Variants in NETO1 observed in about 807,000 individuals in gnomAD.
NETO1 encodes the protein neuropilin and tolloid like 1, also known as neuropilin and tolloid-like protein 1.
Under a neutral mutation model 61.3 loss-of-function variants are expected in NETO1, and 26 were observed. That is an observed-to-expected ratio of 0.42 (90% CI 0.31 to 0.59). NETO1 has a LOEUF of 0.59. NETO1 is among the 20% of genes least tolerant of loss of function. The probability of loss-of-function intolerance (pLI) is 0.12; values close to 1 mark genes in which losing one functional copy is unlikely to be tolerated. For missense variants in NETO1, 531 were observed against 662.8 expected (o/e 0.80, Z 2.18); for synonymous variants, 225 against 225.8 (o/e 1.00, Z 0.03).
chr18:72,776,861 T>C (rs1470656204), intron 7 of NETO1, among the ~76,000 whole-genome samples: 1 of 152,182 alleles, frequency 6.6e-6, no homozygotes, highest in Non-Finnish European at 1.5e-5. Flanking sequence ...ATTCATTTTA[T>C]CCCAATAGCC....
chr18:72,811,046 T>C (rs1410931432), intron 4 of NETO1, among the ~76,000 whole-genome samples: 1 of 152,212 alleles, frequency 6.6e-6, no homozygotes, highest in Admixed American at 6.5e-5. Context: ...CTTGCAATTA[T>C]TCTTTGTAAA....
chr18:72,818,935 G>A (rs2073106364), intron 4 of NETO1, among the ~76,000 whole-genome samples: 1 of 152,184 alleles, frequency 6.6e-6, no homozygotes, highest in Admixed American at 6.5e-5. Context: ...AGGCGTATAT[G>A]TGTATTCTAC....
intron 7 of NETO1, among the ~76,000 whole-genome samples, chr18:72,771,784 C>T (rs2071359808): frequency 6.6e-6 from 1 of 152,112 alleles, no homozygotes; most frequent in Middle Eastern, 3.4e-3. Flanking sequence ...TTGGATCATC[C>T]ATTACATTGA....
At chr18:72,786,892 C>T (rs967768899) in intron 6 of NETO1, among the ~76,000 whole-genome samples, 16 of 149,732 alleles carry the variant, frequency 1.1e-4, no homozygotes, top group African/African-American at 2.9e-4. Flanking sequence ...CCAGCCTGGG[C>T]GACAGAGCGA....
At chr18:72,836,230 C>A (rs1019013108) in intron 4 of NETO1, among the ~76,000 whole-genome samples, 2 of 152,132 alleles carry the variant, frequency 1.3e-5, no homozygotes, top group Non-Finnish European at 2.9e-5. Context: ...GGTGCTCCCC[C>A]TTTCTCTGCC....
intron 4 of NETO1, among the ~76,000 whole-genome samples, chr18:72,840,482 A>G (rs1473195833): frequency 6.6e-6 from 1 of 152,202 alleles, no homozygotes; most frequent in Non-Finnish European, 1.5e-5. Flanking sequence ...CATTTCAAGC[A>G]TCATCCTTCC....
intron 7 of NETO1, among the ~76,000 whole-genome samples, chr18:72,757,459 G>A (rs2070821012): frequency 6.6e-6 from 1 of 151,538 alleles, no homozygotes; most frequent in Non-Finnish European, 1.5e-5. Flanking sequence ...GCTAATTCAA[G>A]CAATGTGATT....
chr18:72,760,258 CTAGAAAG>C (rs775729684), intron 7 of NETO1, among the ~76,000 whole-genome samples: 1 of 152,186 alleles, frequency 6.6e-6, no homozygotes, highest in Non-Finnish European at 1.5e-5. Context: ...AAGCACTCAC[CTAGAAAG>C]TAGACACTAC....
intron 4 of NETO1, among the ~76,000 whole-genome samples, chr18:72,848,938 A>G (rs988417504): frequency 1.3e-5 from 2 of 152,210 alleles, no homozygotes; most frequent in Non-Finnish European, 2.9e-5. Context: ...GATTCACTCC[A>G]TTAGCCAAAG....
rs535979589 is a variant in NETO1, at chr18:72,822,135, A to C, written c.470-27731T>G. Among the ~76,000 whole-genome samples, 8 of 152,338 alleles carry C rather than the reference A, an allele frequency of 5.3e-5. No individual in the cohort carries two copies. The East Asian group carries it at 1.5e-3, about 29-fold the overall frequency. On this transcript the variant is annotated intron_variant, in intron 4 of 10. Coordinates refer to ENST00000327305, the MANE Select transcript of NETO1 (RefSeq NM_138966.5). ...GAGTGAGGAACGAAGGTCTTGGATC[A>C]GCCCTGACTTTTCCTTACAGCTGTA...
At chr18:72,851,217 G>C (rs1361563562) in intron 4 of NETO1, among the ~76,000 whole-genome samples, 2 of 152,084 alleles carry the variant, frequency 1.3e-5, no homozygotes, top group Non-Finnish European at 2.9e-5. Flanking sequence ...TTCGAGACCA[G>C]CCTGATCAAC....
intron 7 of NETO1, among the ~76,000 whole-genome samples, chr18:72,767,266 T>C (rs780139790): frequency 6.6e-6 from 1 of 152,202 alleles, no homozygotes; most frequent in African/African-American, 2.4e-5. Flanking sequence ...ACATATGCTG[T>C]GTATTTTCAG....
chr18:72,760,551 G>A (rs1420995381), intron 7 of NETO1, among the ~76,000 whole-genome samples: 2 of 152,200 alleles, frequency 1.3e-5, no homozygotes, highest in Middle Eastern at 3.2e-3. Context: ...GTGGTGTGCA[G>A]TGATTAAGTC....
chr18:72,770,372 A>C (rs2071314203), intron 7 of NETO1, among the ~76,000 whole-genome samples: 1 of 152,068 alleles, frequency 6.6e-6, no homozygotes. Context: ...TTTCTGTATT[A>C]ATAACTATTT....
rs557702600 is a variant in NETO1 at position 72,828,758 on chromosome 18, A to G, written c.469+30068T>C. 2.0e-5 allele frequency among the ~76,000 whole-genome samples: 3 copies of G among 152,358 alleles called. No homozygotes were observed. The East Asian group carries it at 5.8e-4, about 29-fold the overall frequency. ...CACAGAAAGAAAAGCCATGTCAATT[A>G]AAGGAAATGACAGGATGACTGCAGA... On this transcript the variant is annotated intron_variant, in intron 4 of 10. Coordinates refer to ENST00000327305, the MANE Select transcript of NETO1 (RefSeq NM_138966.5).
intron 4 of NETO1, among the ~76,000 whole-genome samples, chr18:72,810,476 T>C (rs1218055602): frequency 6.6e-6 from 1 of 152,210 alleles, no homozygotes; most frequent in Non-Finnish European, 1.5e-5. Flanking sequence ...GTATCATCTC[T>C]TAAGGACTGT....
chr18:72,848,454 T>C lies in NETO1; in HGVS notation c.469+10372A>G, dbSNP rs542576955. Among the ~76,000 whole-genome samples the C allele has an allele frequency of 3.5e-4, 53 of 152,130 alleles. 1 individual carries two copies. The highest frequency in any genetic ancestry group is 6.9e-4 in the Non-Finnish European group (47 of 68,042). On this transcript the variant is annotated intron_variant, in intron 4 of 10. Coordinates refer to ENST00000327305, the MANE Select transcript of NETO1 (RefSeq NM_138966.5). ...GATCCACTCTGAGACACAATTTCTC[T>C]CCATCGTTGAGCCATAAAATTCAAG...
At chr18:72,821,309 G>A (rs1187035722) in intron 4 of NETO1, among the ~76,000 whole-genome samples, 1 of 149,424 alleles carries the variant, frequency 6.7e-6, no homozygotes. Context: ...TTGGGAGGAC[G>A]AGGTGGGCGG....
intron 4 of NETO1, among the ~76,000 whole-genome samples, chr18:72,808,625 T>G (rs1364494551): frequency 6.6e-6 from 1 of 152,202 alleles, no homozygotes; most frequent in African/African-American, 2.4e-5. Flanking sequence ...TTAAGCATCA[T>G]GGCAAAGCCT....
Sources: allele counts gnomAD v4.1 joint callset (sites outside exome capture counted in the v4.1 genomes callset), GRCh38; gene constraint gnomAD v4.1.1; transcripts MANE v1.5; gene names NCBI Gene and HGNC (gene_info 2026-07-23, HGNC 2026-07-21).